BDP1: variants seen among roughly 807,000 people sequenced by gnomAD.
BDP1 encodes transcription factor TFIIIB component B'' homolog.
Under a neutral mutation model 266.6 loss-of-function variants are expected in BDP1, and 169 were observed. That is an observed-to-expected ratio of 0.63 (90% confidence interval 0.56 to 0.72). BDP1 has a LOEUF of 0.72. Ranked by LOEUF, BDP1 falls within the 30% of genes least tolerant of loss-of-function variation. The probability of loss-of-function intolerance (pLI) is 0.00; values close to 1 mark genes in which losing one functional copy is unlikely to be tolerated. For synonymous variants in BDP1, 1,090 were observed against 1,022.4 expected (o/e 1.07, Z -1.26); for missense variants, 3,015 against 3,053.8 (o/e 0.99, Z 0.30).
intron 11 of BDP1, among the ~76,000 whole-genome samples, chr5:71,492,075 T>G (rs939594820): frequency 6.6e-6 from 1 of 152,258 alleles, no homozygotes; most frequent in African/African-American, 2.4e-5. Flanking sequence ...GTCCTCAAGG[T>G]TCATCCATGG....
intron 6 of BDP1, among the ~76,000 whole-genome samples, chr5:71,469,162 C>T (rs1057128601): frequency 4.0e-5 from 6 of 151,096 alleles, no homozygotes; most frequent in African/African-American, 9.7e-5. Flanking sequence ...TTTTTGAGAC[C>T]GAGTCTCACT....
At chr5:71,526,709 A>G (rs1765910506) in intron 25 of BDP1, among the ~76,000 whole-genome samples, 1 of 141,774 alleles carries the variant, frequency 7.1e-6, no homozygotes, top group South Asian at 2.3e-4. Flanking sequence ...TTTTTTAAAG[A>G]CGGGGTCTCA....
intron 5 of BDP1, among the ~76,000 whole-genome samples, chr5:71,466,749 G>GT (rs201786929): frequency 3.3e-5 from 5 of 151,386 alleles, no homozygotes; most frequent in Non-Finnish European, 5.9e-5. Context: ...TGTCTTAAGG[G>GT]TTTTTTTTTA....
chr5:71,534,871 T>C (rs187855788), intron 26 of BDP1, among the ~76,000 whole-genome samples: 42 of 152,068 alleles, frequency 2.8e-4, no homozygotes, highest in Admixed American at 7.9e-4. Context: ...GAACTCCTGA[T>C]CTCAGGTGAT....
At chr5:71,554,050 A>G (rs1403551274) in intron 35 of BDP1, among the ~76,000 whole-genome samples, 2 of 152,222 alleles carry the variant, frequency 1.3e-5, no homozygotes, top group Non-Finnish European at 2.9e-5. Context: ...ACTCATCATA[A>G]TTTGTAACTA....
rs1334189083 is a variant in BDP1, at chr5:71,510,769, A to T, written c.3677A>T (p.Asp1226Val). Reference sequence around the variant, plus strand: ...AAGCCTGTAGGTAAAATGGAGACAGATTTGAAAGAAATTAGAGAAGAAATT... The same window carrying T: ...AAGCCTGTAGGTAAAATGGAGACAGTTTTGAAAGAAATTAGAGAAGAAATT... ...EVKPVGKMETDLKEIREEISQ... is the reference protein window; with the variant it reads ...EVKPVGKMETVLKEIREEISQ... The change falls in exon 17 of 39, where the codon GAT becomes GTT. Residue 1226 changes from aspartate to valine, a missense_variant. Asp to Val is a radical substitution (Grantham distance 152). This residue lies in a region of BDP1 where 2,383 missense variants were observed against 2,404.9 expected (regional missense o/e 0.99). Coordinates refer to ENST00000358731, the MANE Select transcript of BDP1 (RefSeq NM_018429.3). The T allele has an allele frequency of 6.2e-7, 1 of 1,614,026 alleles. No homozygotes were observed. Among genetic ancestry groups the T allele is most frequent in the Non-Finnish European group, 8.5e-7 (1 of 1,180,042 alleles).
At chr5:71,460,862 A>G (rs1046874202) in intron 2 of BDP1, among the ~76,000 whole-genome samples, 2 of 133,588 alleles carry the variant, frequency 1.5e-5, no homozygotes, top group African/African-American at 2.7e-5. Flanking sequence ...CAGAATTTCA[A>G]GTCACTACAG....
At chr5:71,550,973 T>C (rs1742699939) in intron 34 of BDP1, among the ~76,000 whole-genome samples, 1 of 152,150 alleles carries the variant, frequency 6.6e-6, no homozygotes, top group Non-Finnish European at 1.5e-5. Context: ...CCCAAAGTGT[T>C]GGGATTACAG....
intron 11 of BDP1, chr5:71,494,968 G>A (rs1763793948): frequency 1.0e-5 from 2 of 200,248 alleles, no homozygotes; most frequent in South Asian, 3.5e-4. Flanking sequence ...AAAGTGCTGG[G>A]ATTACAGGCG....
chr5:71,456,000 G>C lies in BDP1; in HGVS notation c.123G>C (p.Thr41=), dbSNP rs755278722. Residue 41 remains threonine (T), a synonymous_variant, in exon 1 of 39, where the codon ACG becomes ACC. Coordinates refer to ENST00000358731, the MANE Select transcript of BDP1 (RefSeq NM_018429.3). ...RESPRPPDPA[T]DSASKPAEPT... ...CTCCCAGGCCGCCGGATCCTGCCAC[G>C]GACTCTGCTTCCAAGCCCGCGGAGC... The C allele has an allele frequency of 8.1e-6, 13 of 1,613,504 alleles. No individual in the cohort carries two copies. Among genetic ancestry groups the C allele is most frequent in the Admixed American group, 1.7e-5 (1 of 60,004 alleles).
chr5:71,502,093 T>G (rs1324219778), intron 14 of BDP1, among the ~76,000 whole-genome samples: 1 of 152,176 alleles, frequency 6.6e-6, no homozygotes, highest in Non-Finnish European at 1.5e-5. Flanking sequence ...TATTCTATGC[T>G]TGGCAGATGT....
chr5:71,558,492 A>G (rs1435373510), intron 36 of BDP1, among the ~76,000 whole-genome samples: 5 of 152,018 alleles, frequency 3.3e-5, no homozygotes, highest in Non-Finnish European at 7.4e-5. Context: ...ATTGCACGCC[A>G]GCCTGGGTGA....
intron 22 of BDP1, among the ~76,000 whole-genome samples, chr5:71,519,538 CAT>C (rs1302398856): frequency 1.3e-5 from 2 of 152,204 alleles, no homozygotes; most frequent in Admixed American, 1.3e-4. Flanking sequence ...TAAGCTGCTA[CAT>C]ATGAGTGAGA....
At position 71,565,783 on chromosome 5, in the gene BDP1, T is replaced by G. The variant is rs1743993909; in HGVS notation, c.*898T>G. The G allele has an allele frequency of 1.3e-5, 2 of 152,918 alleles. No individual in the cohort carries two copies. Among genetic ancestry groups the G allele is most frequent in the African/African-American group, 4.8e-5 (2 of 41,476 alleles). The allele number at this position is 152,918 out of a possible 1,614,324, so 9.5% of individuals were successfully genotyped here. On this transcript the variant is annotated 3_prime_UTR_variant, in exon 39 of 39. Transcript: ENST00000358731. ...TAGTATGGCAAATGTTAAAGAACTTTTCTATTATCAGCTGTTTGTCTGACT... is the reference window on the plus strand; with the variant it reads ...TAGTATGGCAAATGTTAAAGAACTTGTCTATTATCAGCTGTTTGTCTGACT...
intron 38 of BDP1, 95 bp downstream of exon 38, chr5:71,562,615 A>G: frequency 1.3e-6 from 2 of 1,508,028 alleles, no homozygotes; most frequent in South Asian, 2.5e-5. Context: ...TTTTTATTTG[A>G]TGTCAGAAAT....
At chr5:71,570,908 C>T (rs867626130), downstream of BDP1, among the ~76,000 whole-genome samples, 15 of 152,172 alleles carry the variant, frequency 9.9e-5, no homozygotes, top group African/African-American at 3.6e-4. Context: ...ATAAATACAG[C>T]CAGTCCCCCT....
chr5:71,515,163 T>TA (rs769013264), intron 20 of BDP1, 41 bp downstream of exon 20: 2 of 1,390,050 alleles, frequency 1.4e-6, no homozygotes, highest in Non-Finnish European at 9.7e-7. Context: ...ATAAGAGAGA[T>TA]ACTTCTTTTA....
chr5:71,578,152 C>G, the BDP1 span, among the ~76,000 whole-genome samples: 1 of 152,334 alleles, frequency 6.6e-6, no homozygotes, highest in South Asian at 2.1e-4. Flanking sequence ...CAAGCCTACT[C>G]TGGACCGAGC....
At chr5:71,561,629 A>C (rs1743659867) in intron 37 of BDP1, among the ~76,000 whole-genome samples, 2 of 152,298 alleles carry the variant, frequency 1.3e-5, no homozygotes, top group South Asian at 2.1e-4. Context: ...GTTCCAGTAA[A>C]ACATACTCAC....
Sources: allele counts gnomAD v4.1 joint callset (sites outside exome capture counted in the v4.1 genomes callset), GRCh38; gene constraint gnomAD v4.1.1; regional missense constraint gnomAD v4.1.1; transcripts MANE v1.5; gene names NCBI Gene and HGNC (gene_info 2026-07-23, HGNC 2026-07-21).